The following GRM5 variants were observed in gnomAD, a reference collection of about 807,000 sequenced individuals.
The protein encoded by GRM5 is metabotropic glutamate receptor 5.
In GRM5, 19 loss-of-function variants were observed where a neutral mutation model predicts 83.1. The observed-to-expected ratio is 0.23, with a 90% confidence interval of 0.16 to 0.34. The LOEUF (loss-of-function observed/expected upper bound fraction) is 0.34, where lower values mean the gene tolerates loss of function less well. GRM5 is among the 10% of genes least tolerant of loss of function. The pLI is 1.00. For synonymous variants in GRM5, 675 were observed against 633.6 expected (o/e 1.07, Z -0.98); for missense variants, 1,160 against 1,588.3 (o/e 0.73, Z 4.58).
intron 3 of GRM5, among the ~76,000 whole-genome samples, chr11:88,733,304 A>G (rs1320007668): frequency 6.6e-6 from 1 of 152,030 alleles, no homozygotes; most frequent in Non-Finnish European, 1.5e-5. Context: ...CTTAAAATAT[A>G]TATCATCCTC....
chr11:88,518,494 GAATAAATGGTTTCAGGGTCA>G (rs1349456780), intron 9 of GRM5, among the ~76,000 whole-genome samples: 11 of 151,976 alleles, frequency 7.2e-5, no homozygotes, highest in South Asian at 4.1e-4. Context: ...GATGGTTCAT[GAATAAATGGTTTCAGGGTCA>G]AATAAATGGT....
chr11:89,015,493 T>C (rs747863334), intron 2 of GRM5, among the ~76,000 whole-genome samples: 24 of 152,162 alleles, frequency 1.6e-4, no homozygotes, highest in Non-Finnish European at 2.5e-4. Context: ...CCTTAGGTAA[T>C]ACAGGTAGTC....
At chr11:89,005,725 G>A (rs185752013) in intron 2 of GRM5, among the ~76,000 whole-genome samples, 24 of 152,150 alleles carry the variant, frequency 1.6e-4, no homozygotes, top group African/African-American at 5.3e-4. Flanking sequence ...GTAATGTAAC[G>A]GTGGATGCCT....
At chr11:88,857,212 A>T (rs1944492298) in intron 2 of GRM5, among the ~76,000 whole-genome samples, 1 of 152,112 alleles carries the variant, frequency 6.6e-6, no homozygotes, top group Non-Finnish European at 1.5e-5. Context: ...TACTTTGATT[A>T]GAAGCATATG....
chr11:88,584,720 A>T (rs1371044168), intron 7 of GRM5, among the ~76,000 whole-genome samples: 2 of 152,210 alleles, frequency 1.3e-5, no homozygotes, highest in Non-Finnish European at 2.9e-5. Flanking sequence ...TTGAGATTAC[A>T]GGCATGAGCC....
intron 3 of GRM5, among the ~76,000 whole-genome samples, chr11:88,679,334 CAG>C (rs1940417120): frequency 6.6e-6 from 1 of 151,786 alleles, no homozygotes; most frequent in Admixed American, 6.6e-5. Context: ...AAAAAGAACA[CAG>C]AGAATAACTA....
chr11:88,831,875 G>C (rs1176583533), intron 3 of GRM5, among the ~76,000 whole-genome samples: 1 of 152,200 alleles, frequency 6.6e-6, no homozygotes, highest in African/African-American at 2.4e-5. Flanking sequence ...ACCAGCACCT[G>C]AGCAAGCTGT....
At chr11:88,956,719 A>T (rs887058724) in intron 2 of GRM5, among the ~76,000 whole-genome samples, 10 of 152,290 alleles carry the variant, frequency 6.6e-5, no homozygotes, top group South Asian at 2.1e-4. Context: ...GGCAGGAGAA[A>T]GGCGTGAACC....
chr11:88,888,800 T>C (rs1422184255), intron 2 of GRM5, among the ~76,000 whole-genome samples: 1 of 152,112 alleles, frequency 6.6e-6, no homozygotes, highest in Admixed American at 6.6e-5. Flanking sequence ...TTCTGTATGG[T>C]TCTGTCCAAA....
rs1565316511 is a variant in GRM5, at chr11:88,509,316, C to G, written c.2915G>C (p.Gly972Ala). The G allele has an allele frequency of 6.3e-7, 1 of 1,587,250 alleles. No individual in the cohort carries two copies. The highest frequency in any genetic ancestry group is 8.6e-7 in the Non-Finnish European group (1 of 1,169,076). The change falls in exon 10 of 10, where the codon GGG becomes GCG. Residue 972 changes from glycine to alanine, a missense_variant. Physicochemically the swap from Gly to Ala is moderately conservative, Grantham distance 60. Coordinates refer to ENST00000305447, the MANE Select transcript of GRM5 (RefSeq NM_001143831.3). ...CGCACCGCCCGTGGCCCCCACGCCC[C>G]CAGCGCTCCCGCCTGCGCCAGCGCC... ...GAGAGAGGSA[G>A]GVGATGGAGC...
chr11:88,588,228 G>C (rs145353731), intron 7 of GRM5, among the ~76,000 whole-genome samples: 135 of 152,280 alleles, frequency 8.9e-4, no homozygotes, highest in Middle Eastern at 6.8e-3. Context: ...GGAGATAATG[G>C]AGTACACTTT....
rs147024895 is a variant in GRM5 at position 88,858,922 on chromosome 11, A to G, written c.662-8767T>C. On this transcript the variant is annotated intron_variant, in intron 2 of 9. Transcript: ENST00000305447. ...TAGCAACAATAATAGATAAAAGTGTAGGAAGTGAAGGAAAGAGAGCTCTGA... is the reference window on the plus strand; with the variant it reads ...TAGCAACAATAATAGATAAAAGTGTGGGAAGTGAAGGAAAGAGAGCTCTGA... Among the ~76,000 whole-genome samples the G allele has an allele frequency of 8.3e-3, 1,265 of 152,174 alleles. 28 individuals carry two copies. The highest frequency in any genetic ancestry group is 0.071 in the East Asian group (367 of 5,180).
At chr11:88,870,046 TTTAG>T (rs1360746440) in intron 2 of GRM5, among the ~76,000 whole-genome samples, 1 of 151,572 alleles carries the variant, frequency 6.6e-6, no homozygotes, top group Admixed American at 6.6e-5. Context: ...AGGTTAGAAC[TTTAG>T]TTAGGCCACA....
chr11:88,785,074 A>G (rs1333891336), intron 3 of GRM5, among the ~76,000 whole-genome samples: 2 of 152,058 alleles, frequency 1.3e-5, no homozygotes, highest in South Asian at 2.1e-4. Context: ...TTCAATTACT[A>G]GAATTAAACA....
At chr11:89,065,535 A>T (rs1423730549) in intron 1 of GRM5, among the ~76,000 whole-genome samples, 5 of 151,988 alleles carry the variant, frequency 3.3e-5, no homozygotes, top group Non-Finnish European at 7.4e-5. Flanking sequence ...ACTTAAATTT[A>T]TGTCTGATTC....
chr11:89,026,390 A>G (rs1483576753), intron 2 of GRM5, among the ~76,000 whole-genome samples: 1 of 152,190 alleles, frequency 6.6e-6, no homozygotes, highest in Non-Finnish European at 1.5e-5. Flanking sequence ...TGACTCCATG[A>G]GTAGAATTGA....
rs755522000 is a variant in GRM5, at chr11:89,047,540, C to T, written c.333G>A (p.Glu111=). The change falls in exon 2 of 10, where the codon GAG becomes GAA. Residue 111 remains glutamate, a synonymous_variant. Transcript: ENST00000305447. The surrounding 1 kb of genome is among the most constrained non-coding windows in gnomAD (Gnocchi z 5.1). ...AAGAAATGAGGGAATCTCTTATGAA[C>T]TCAATGCTCTGCTCTAGGGCCACAG... ...HSAVALEQSI[E]FIRDSLISSE... is the part of the protein sequence containing the mutation. The T allele has an allele frequency of 1.9e-6, 3 of 1,614,138 alleles. No homozygotes were observed. The Admixed American group carries it at 5.0e-5, about 27-fold the overall frequency.
At chr11:88,558,799 CAAAA>C (rs71265014) in intron 8 of GRM5, among the ~76,000 whole-genome samples, 3 of 21,908 alleles carry the variant, frequency 1.4e-4, no homozygotes, top group East Asian at 1.7e-3. Context: ...GACTCCATCT[CAAAA>C]AAAAAAAAAA....
chr11:88,959,935 G>A lies in GRM5; in HGVS notation c.661+87277C>T, dbSNP rs547386615. On this transcript the variant is annotated intron_variant, in intron 2 of 9. Transcript: ENST00000305447. ...AGATTTTCTTTTCTTGTTTTCCATA[G>A]AACATTTTAAACTCAGTTTAACATA... 3.3e-5 allele frequency among the ~76,000 whole-genome samples: 5 copies of A among 152,286 alleles called. No individual in the cohort carries two copies. The South Asian group carries it at 6.2e-4, about 19-fold the overall frequency.
Sources: allele counts gnomAD v4.1 joint callset (sites outside exome capture counted in the v4.1 genomes callset), GRCh38; gene constraint gnomAD v4.1.1; non-coding constraint Gnocchi (gnomAD v3.1); transcripts MANE v1.5; gene names NCBI Gene and HGNC (gene_info 2026-07-23, HGNC 2026-07-21).